TP63: variants seen among roughly 807,000 people sequenced by gnomAD.
The protein encoded by TP63 is tumor protein 63.
A neutral mutation model predicts 82.8 loss-of-function variants in TP63; 17 were observed. That is an observed-to-expected ratio of 0.21 (90% CI 0.14 to 0.31). The LOEUF is 0.31. TP63 is among the 10% of genes least tolerant of loss of function. The probability of loss-of-function intolerance (pLI) is 1.00; values close to 1 mark genes in which losing one functional copy is unlikely to be tolerated. For missense variants in TP63, 648 were observed against 895.3 expected (o/e 0.72, Z 3.52); for synonymous variants, 330 against 321.7 (o/e 1.03, Z -0.28).
intron 4 of TP63, among the ~76,000 whole-genome samples, chr3:189,855,394 CT>C (rs1716162422): frequency 6.6e-6 from 1 of 152,118 alleles, no homozygotes; most frequent in Non-Finnish European, 1.5e-5. Flanking sequence ...TGACCTTGGA[CT>C]TTTCTACACT....
the TP63 span, among the ~76,000 whole-genome samples, chr3:189,606,505 A>T: frequency 2.2e-4 from 15 of 67,272 alleles, no homozygotes; most frequent in African/African-American, 7.6e-4. Context: ...TAAGATGGCC[A>T]TTTTTTTTTT....
intron 1 of TP63, among the ~76,000 whole-genome samples, chr3:189,669,715 A>G (rs1283759142): frequency 6.6e-6 from 1 of 152,070 alleles, no homozygotes; most frequent in Non-Finnish European, 1.5e-5. Flanking sequence ...CTAGGTAGAC[A>G]TTAATAAGTT....
At chr3:189,694,608 G>T (rs933420388) in intron 1 of TP63, among the ~76,000 whole-genome samples, 1 of 151,784 alleles carries the variant, frequency 6.6e-6, no homozygotes, top group Non-Finnish European at 1.5e-5. Context: ...GACCATGCAG[G>T]TAAAGTGCCA....
chr3:189,704,238 T>C (rs918305670), intron 1 of TP63, among the ~76,000 whole-genome samples: 1 of 152,172 alleles, frequency 6.6e-6, no homozygotes, highest in African/African-American at 2.4e-5. Context: ...ACCTAAAAGG[T>C]TAAGTAGTAA....
At chr3:189,650,574 C>T (rs1456931015) in intron 1 of TP63, among the ~76,000 whole-genome samples, 1 of 147,140 alleles carries the variant, frequency 6.8e-6, no homozygotes, top group African/African-American at 2.5e-5. Flanking sequence ...ACTCTTTCTT[C>T]TCCTTCCTGC....
intron 3 of TP63, among the ~76,000 whole-genome samples, chr3:189,792,479 G>A (rs895319880): frequency 6.6e-6 from 1 of 152,034 alleles, no homozygotes; most frequent in Non-Finnish European, 1.5e-5. Context: ...TGTGAGTGGG[G>A]AGGATCTCAA....
At chr3:189,665,630 A>G (rs1010131888) in intron 1 of TP63, among the ~76,000 whole-genome samples, 3 of 152,110 alleles carry the variant, frequency 2.0e-5, no homozygotes, top group African/African-American at 7.2e-5. Context: ...GAATCACAAC[A>G]CTAATTAATT....
intron 1 of TP63, 98 bp from the exon 2 acceptor site, chr3:189,737,642 T>C (rs565782818): frequency 7.1e-7 from 1 of 1,415,542 alleles, no homozygotes. Flanking sequence ...GTTTTATAGA[T>C]TCACTTGATG....
intron 3 of TP63, among the ~76,000 whole-genome samples, chr3:189,777,152 A>G (rs1002330774): frequency 6.6e-6 from 1 of 151,946 alleles, no homozygotes; most frequent in African/African-American, 2.4e-5. Flanking sequence ...CTTCCATCTC[A>G]TGTCATTCCA....
intron 1 of TP63, among the ~76,000 whole-genome samples, chr3:189,634,508 C>T (rs1242447195): frequency 1.3e-5 from 2 of 151,752 alleles, no homozygotes; most frequent in East Asian, 3.9e-4. Flanking sequence ...AACATATTAC[C>T]ATATTGAGCA....
chr3:189,690,283 T>A (rs1716814128), intron 1 of TP63, among the ~76,000 whole-genome samples: 1 of 152,140 alleles, frequency 6.6e-6, no homozygotes, highest in Non-Finnish European at 1.5e-5. Flanking sequence ...AATCTGCACA[T>A]CTCCATCTCT....
At chr3:189,758,652 T>G (rs987363821) in intron 3 of TP63, among the ~76,000 whole-genome samples, 6 of 152,226 alleles carry the variant, frequency 3.9e-5, no homozygotes, top group African/African-American at 1.4e-4. Flanking sequence ...GAACTTGTCT[T>G]GGTCTCTCCC....
At chr3:189,882,742 T>C (rs530283703) in intron 10 of TP63, among the ~76,000 whole-genome samples, 1 of 152,308 alleles carries the variant, frequency 6.6e-6, no homozygotes, top group South Asian at 2.1e-4. Context: ...AGATAGTCAC[T>C]AGGGTTGGAA....
intron 3 of TP63, among the ~76,000 whole-genome samples, chr3:189,739,464 T>A (rs1282883187): frequency 6.6e-6 from 1 of 152,200 alleles, no homozygotes; most frequent in Non-Finnish European, 1.5e-5. Context: ...CTTCCTACTA[T>A]GACAAACAAC....
At chr3:189,676,493 T>C (rs180865215) in intron 1 of TP63, among the ~76,000 whole-genome samples, 17 of 152,178 alleles carry the variant, frequency 1.1e-4, no homozygotes, top group African/African-American at 3.6e-4. Flanking sequence ...GATCTTCCTT[T>C]TTAAGGCTGA....
At chr3:189,603,265 A>G in the TP63 span, among the ~76,000 whole-genome samples, 1 of 151,224 alleles carries the variant, frequency 6.6e-6, no homozygotes. Flanking sequence ...CCTAGTCCCA[A>G]CTCCTTATAT....
intron 1 of TP63, among the ~76,000 whole-genome samples, chr3:189,646,215 C>T (rs921090560): frequency 2.0e-5 from 3 of 147,018 alleles, no homozygotes; most frequent in Non-Finnish European, 4.5e-5. Flanking sequence ...TGTATCTTAA[C>T]ACAGTTAACA....
chr3:189,850,748 T>A (rs1473967682), intron 4 of TP63, among the ~76,000 whole-genome samples: 1 of 152,052 alleles, frequency 6.6e-6, no homozygotes, highest in Non-Finnish European at 1.5e-5. Context: ...ATAAAAAAAA[T>A]TTTAAGGACA....
At position 189,653,280 on chromosome 3, in the gene TP63, C is replaced by T. The variant is rs983972687; in HGVS notation, c.62+21703C>T. ...CTAGAGTCAGGATATCTCTTTCTCT[C>T]TTGTGGTTTCTCGACACTGACCAAA... On this transcript the variant is annotated intron_variant, in intron 1 of 13. Coordinates refer to ENST00000264731, the MANE Select transcript of TP63 (RefSeq NM_003722.5). 2.7e-4 allele frequency among the ~76,000 whole-genome samples: 41 copies of T among 152,294 alleles called. No individual in the cohort carries two copies. In the East Asian group the frequency reaches 7.3e-3, roughly 27 times the overall value.
Sources: allele counts gnomAD v4.1 joint callset (sites outside exome capture counted in the v4.1 genomes callset), GRCh38; gene constraint gnomAD v4.1.1; transcripts MANE v1.5; gene names NCBI Gene and HGNC (gene_info 2026-07-23, HGNC 2026-07-21).